MYH3: variants seen among roughly 807,000 people sequenced by gnomAD.
The protein encoded by MYH3 is myosin heavy chain 3, also known as myosin-3.
A neutral mutation model predicts 238.0 loss-of-function variants in MYH3; 130 were observed. The ratio of observed to expected loss-of-function variants is 0.55; its 90% CI spans 0.47 to 0.63. The LOEUF (loss-of-function observed/expected upper bound fraction) is 0.63, where lower values mean the gene tolerates loss of function less well. MYH3 is among the 30% of genes least tolerant of loss of function. The pLI is 0.00. For synonymous variants in MYH3, 880 were observed against 924.1 expected (o/e 0.95, Z 0.86); for missense variants, 1,853 against 2,374.9 (o/e 0.78, Z 4.57).
intron 8 of MYH3, among the ~76,000 whole-genome samples, chr17:10,648,116 GTCTC>G (rs2074341184): frequency 6.6e-6 from 1 of 152,028 alleles, no homozygotes; most frequent in African/African-American, 2.4e-5. Flanking sequence ...ACATGACCAG[GTCTC>G]TCTCTCTTCC....
Position 10,632,702 on chromosome 17 carries a change from A to G in MYH3, c.4730T>C (p.Ile1577Thr), listed in dbSNP as rs766589093. 12 of 1,614,042 alleles carry G rather than the reference A, an allele frequency of 7.4e-6. No individual in the cohort carries two copies. In the East Asian group the frequency reaches 2.5e-4, roughly 33 times the overall value. Reference sequence around the variant, plus strand: ...CTCGATCTCTTCATCCTTCTCGGCGATCTTTCTATCAATTTCTGATTTCAC... The same window carrying G: ...CTCGATCTCTTCATCCTTCTCGGCGGTCTTTCTATCAATTTCTGATTTCAC... ...TQVKSEIDRK[I>T]AEKDEEIEQL... The change falls in exon 34 of 41, where the codon ATC (isoleucine) becomes ACC (threonine). Residue 1577 changes from isoleucine to threonine, a missense_variant. Ile to Thr is a moderately conservative substitution (Grantham distance 89). Transcript: ENST00000583535.
chr17:10,651,931 TG>T (rs1305596555), intron 4 of MYH3: 2 of 442,866 alleles, frequency 4.5e-6, no homozygotes, highest in Non-Finnish European at 8.1e-6. Flanking sequence ...TTAGTAGAGA[TG>T]GGGCTTCACC....
At chr17:10,652,766 C>T (rs143431253) in intron 3 of MYH3, among the ~76,000 whole-genome samples, 42 of 151,812 alleles carry the variant, frequency 2.8e-4, no homozygotes, top group African/African-American at 8.5e-4. Flanking sequence ...GGATTACAGG[C>T]GCCCGCCACC....
At chr17:10,669,206 A>T in the MYH3 span, among the ~76,000 whole-genome samples, 2 of 152,148 alleles carry the variant, frequency 1.3e-5, no homozygotes, top group Non-Finnish European at 2.9e-5. Context: ...TTCCCTATAC[A>T]AATTAAAATT....
At chr17:10,630,510 G>T (rs370577575) in intron 36 of MYH3, 52 bp from the exon 37 acceptor site, 16 of 1,612,280 alleles carry the variant, frequency 9.9e-6, no homozygotes, top group Middle Eastern at 3.3e-4. Flanking sequence ...CAGTGCCTTG[G>T]AACTGTCAAA....
Position 10,633,685 on chromosome 17 carries a change from G to T in MYH3, c.4553C>A (p.Ala1518Asp), listed in dbSNP as rs775143020. Residue 1518 changes from alanine to aspartate, a missense_variant, in exon 33 of 41, where the codon GCT becomes GAT. Ala to Asp is a moderately radical substitution (Grantham distance 126, BLOSUM62 -2). Transcript: ENST00000583535. ...TTCATGGATGGTTTTGCCATTTTCA[G>T]CAATTTGTTCTGTGAGATCTGCTAT... is the stretch of plus-strand genomic sequence containing the variant. The part of the protein sequence containing the change: ...QEIADLTEQI[A>D]ENGKTIHELE... The T allele has an allele frequency of 1.9e-6, 3 of 1,613,996 alleles. No individual in the cohort carries two copies. The East Asian group carries it at 6.7e-5, about 36-fold the overall frequency.
chr17:10,642,395 G>A lies in MYH3; in HGVS notation c.1888+22C>T, dbSNP rs2074281205. On this transcript the variant is annotated intron_variant, in intron 16 of 40. Transcript: ENST00000583535. This position sits in a 1 kb window ranked among gnomAD's most constrained non-coding sequence, Gnocchi z 5.4. ...TGGAACAAATGGAGGGAAATCACAT[G>A]GACACAAAGCACTCCTCTTACCATC... 1.2e-6 allele frequency: 2 copies of A among 1,614,058 alleles called. No homozygotes were observed. The highest frequency in any genetic ancestry group is 4.5e-5 in the East Asian group (2 of 44,880).
At chr17:10,638,453 C>T (rs371824461) in intron 26 of MYH3, 21 bp from the exon 27 acceptor site, 95 of 1,599,538 alleles carry the variant, frequency 5.9e-5, no homozygotes, top group Non-Finnish European at 7.0e-5. Flanking sequence ...CAGCCGTTCA[C>T]CCCGTGGGCA....
chr17:10,632,334 G>A (rs1343440016), intron 34 of MYH3, 142 bp downstream of exon 34: 3 of 990,996 alleles, frequency 3.0e-6, no homozygotes, highest in Non-Finnish European at 4.7e-6. Flanking sequence ...GCCCAGGCTG[G>A]TATCAAACTC....
Position 10,649,443 on chromosome 17 carries a change from T to C in MYH3, c.642+134A>G. ...GTTGTCTAAGGTGACTGGCTGTCCT[T>C]CAAGATAGTAAATCCTAGCCTGTTC... On this transcript the variant is annotated intron_variant, in intron 7 of 40. Transcript: ENST00000583535. 3 of 781,234 alleles carry C rather than the reference T, an allele frequency of 3.8e-6. No individual in the cohort carries two copies. In the South Asian group the frequency reaches 4.3e-5, roughly 11 times the overall value. The allele number at this position is 781,234 out of a possible 1,614,324, so 48.4% of individuals were successfully genotyped here. A position where few individuals can be genotyped will look rare whatever the true frequency, so the allele number is the denominator to read the frequency against.
chr17:10,637,358 C>G (rs977607104), intron 28 of MYH3, among the ~76,000 whole-genome samples: 2 of 152,122 alleles, frequency 1.3e-5, no homozygotes, highest in African/African-American at 4.8e-5. Flanking sequence ...CCACACCCGG[C>G]CTCCCTTATG....
Position 10,641,508 on chromosome 17 carries a change from C to CTTTTT in MYH3, c.1960-141_1960-137dup, listed in dbSNP as rs541839271. ...GTATAGTGAAATGATTTAACTCTGT[C>CTTTTT]TTTTTTTTTTTTTTTTTTTTTTTTG... On this transcript the variant is annotated intron_variant, in intron 17 of 40. Transcript: ENST00000583535. The CTTTTT allele has an allele frequency of 3.4e-4, 40 of 117,476 alleles. 2 individuals are homozygous for CTTTTT. The highest frequency in any genetic ancestry group is 1.1e-3 in the African/African-American group (24 of 21,512). The allele number at this position is 117,476 out of a possible 1,614,324, so 7.3% of individuals were successfully genotyped here. A position where few individuals can be genotyped will look rare whatever the true frequency, so the allele number is the denominator to read the frequency against.
chr17:10,658,510 C>CGCAGAGGAA (rs2074456668), upstream of MYH3: 4 of 152,156 alleles, frequency 2.6e-5, no homozygotes, highest in African/African-American at 9.7e-5. Flanking sequence ...TTCGAGAAGA[C>CGCAGAGGAA]GCAGAGGAAA....
rs1378016379 is a variant in MYH3, at chr17:10,647,377, G to C, written c.785C>G (p.Ala262Gly). Residue 262 changes from alanine to glycine, a missense_variant, in exon 9 of 41, where the codon GCA becomes GGA. Transcript: ENST00000583535. ...HFGTTGKLAS[A>G]DIETYLLEKS... ...GATCTACTTACAAGTTTCAATATCTGCAGAGGCCAGCTTCCCAGTGGTTCC... is the reference window on the plus strand; with the variant it reads ...GATCTACTTACAAGTTTCAATATCTCCAGAGGCCAGCTTCCCAGTGGTTCC... 6.2e-7 allele frequency: 1 copy of C among 1,614,116 alleles called. No individual in the cohort carries two copies. The highest frequency in any genetic ancestry group is 8.5e-7 in the Non-Finnish European group (1 of 1,180,038).
the MYH3 span, among the ~76,000 whole-genome samples, chr17:10,665,229 G>A: frequency 1.3e-5 from 2 of 151,962 alleles, no homozygotes; most frequent in African/African-American, 2.4e-5. Flanking sequence ...TGGAACCTCC[G>A]CCTCCTGGGT....
chr17:10,640,433 CTTCCAGGG>C lies in MYH3; in HGVS notation c.2318_2325del (p.Thr773ArgfsTer5). 2 of 1,614,220 alleles carry C rather than the reference CTTCCAGGG, an allele frequency of 1.2e-6. No homozygotes were observed. The highest frequency in any genetic ancestry group is 1.7e-6 in the Non-Finnish European group (2 of 1,180,028). On this transcript the variant is annotated frameshift_variant, in exon 21 of 41. Coordinates refer to ENST00000583535, the MANE Select transcript of MYH3 (RefSeq NM_002470.4). LOFTEE classifies it high-confidence loss of function. ...TTGGCCAGGCGGTCATCCCGCATCT[CTTCCAGGG>C]TTCCCAGCAAGCCAGCCTTGAAGAA... is the stretch of plus-strand genomic sequence containing the variant.
chr17:10,648,985 T>C (rs768328300), intron 7 of MYH3, among the ~76,000 whole-genome samples: 2 of 151,910 alleles, frequency 1.3e-5, no homozygotes, highest in East Asian at 3.9e-4. Context: ...TGAGGAAACA[T>C]GTTTTTAAGC....
rs2074317762 is a variant in MYH3 at position 10,646,044 on chromosome 17, A to G, written c.899-12T>C. 6.2e-7 allele frequency: 1 copy of G among 1,608,138 alleles called. No individual in the cohort carries two copies. Among genetic ancestry groups the G allele is most frequent in the South Asian group, 1.1e-5 (1 of 90,890 alleles). ...AATAAGCAGCAGCTCTGAAATGACA[A>G]ATAGTTCCAGGAGGTTATGCAGATG... On this transcript the variant is annotated splice_polypyrimidine_tract_variant and intron_variant, in intron 10 of 40. Transcript: ENST00000583535.
rs1354534114 is a variant in MYH3 at position 10,654,816 on chromosome 17, G to A, written c.204+45C>T. 6.3e-7 allele frequency: 1 copy of A among 1,584,210 alleles called. No individual in the cohort carries two copies. Among genetic ancestry groups the A allele is most frequent in the Non-Finnish European group, 8.7e-7 (1 of 1,152,760 alleles). Reference sequence around the variant, plus strand: ...GATGCATACCCCAGGCAAGCACAAGGACCAGGTGGAGGGCCAGCAGCCTGT... The same window carrying A: ...GATGCATACCCCAGGCAAGCACAAGAACCAGGTGGAGGGCCAGCAGCCTGT... On this transcript the variant is annotated intron_variant, in intron 3 of 40. Coordinates refer to ENST00000583535, the MANE Select transcript of MYH3 (RefSeq NM_002470.4). The surrounding 1 kb of genome is among the most constrained non-coding windows in gnomAD (Gnocchi z 4.5).
Sources: gnomAD v4.1 joint callset for allele counts (sites outside exome capture counted in the v4.1 genomes callset) on GRCh38, gnomAD v4.1.1 for gene constraint, Gnocchi (gnomAD v3.1) non-coding constraint, MANE v1.5 for transcripts, NCBI Gene and HGNC (gene_info 2026-07-23, HGNC 2026-07-21) for gene names.